Variants in HERC6 observed in about 807,000 individuals in gnomAD.
HERC6 encodes the protein probable E3 ubiquitin-protein ligase HERC6.
A neutral mutation model predicts 114.5 loss-of-function variants in HERC6; 101 were observed. The ratio of observed to expected loss-of-function variants is 0.88; its 90% CI spans 0.75 to 1.04. HERC6 has a LOEUF of 1.04. Ranked by LOEUF, HERC6 falls within the 50% of genes least tolerant of loss-of-function variation. The pLI is 0.00. For missense variants in HERC6, 1,133 were observed against 1,230.9 expected (o/e 0.92, Z 1.19); for synonymous variants, 408 against 436.2 (o/e 0.94, Z 0.81).
intron 3 of HERC6, among the ~76,000 whole-genome samples, chr4:88,388,408 G>A (rs549040763): frequency 6.2e-4 from 94 of 152,084 alleles, no homozygotes; most frequent in South Asian, 1.2e-3. Flanking sequence ...AAAATTAACC[G>A]GGCATGGTGG....
At position 88,379,129 on chromosome 4, in the gene HERC6, G is replaced by A. The variant is rs765311442; in HGVS notation, c.199+9G>A. ...GCGCGGGGAGCTGCCAGGTGAGCGG[G>A]GGGCCCCAGGTGCAGGGTGTGAGGA... is the stretch of plus-strand genomic sequence containing the variant. On this transcript the variant is annotated intron_variant, in intron 1 of 22. Coordinates refer to ENST00000264346, the MANE Select transcript of HERC6 (RefSeq NM_017912.4). The A allele has an allele frequency of 1.3e-6, 2 of 1,536,370 alleles. No individual in the cohort carries two copies. Among genetic ancestry groups the A allele is most frequent in the Non-Finnish European group, 1.7e-6 (2 of 1,144,346 alleles).
intron 5 of HERC6, among the ~76,000 whole-genome samples, chr4:88,395,647 A>G (rs1311447583): frequency 1.3e-5 from 2 of 152,084 alleles, no homozygotes; most frequent in African/African-American, 4.8e-5. Context: ...TGTACAATAC[A>G]TCACCAAGGT....
chr4:88,396,502 T>C (rs1466946057), intron 6 of HERC6, among the ~76,000 whole-genome samples: 1 of 152,176 alleles, frequency 6.6e-6, no homozygotes, highest in African/African-American at 2.4e-5. Flanking sequence ...TTCGGAGTTC[T>C]GCGTAACCTA....
rs780810711 is a variant in HERC6 at position 88,404,930 on chromosome 4, AGCC to A, written c.1148_1150del (p.Ser383_Gln384delinsLys). 6 of 1,613,942 alleles carry A rather than the reference AGCC, an allele frequency of 3.7e-6. No individual in the cohort carries two copies. Among genetic ancestry groups the A allele is most frequent in the Admixed American group, 3.3e-5 (2 of 60,024 alleles). ...AACCCTGCCAGAAATAAGCCGAATT[AGCC>A]AGTCCATGGCAGAAAAATGGATAGC... On this transcript the variant is annotated inframe_deletion, in exon 9 of 23. Transcript: ENST00000264346.
intron 22 of HERC6, among the ~76,000 whole-genome samples, chr4:88,441,475 T>C (rs1477714631): frequency 6.6e-6 from 1 of 152,140 alleles, no homozygotes; most frequent in East Asian, 1.9e-4. Flanking sequence ...GGAACCAGAA[T>C]AGAATCCATC....
Position 88,428,752 on chromosome 4 carries a change from T to C in HERC6, c.2106+2T>C. 6.6e-7 allele frequency: 1 copy of C among 1,524,884 alleles called. No homozygotes were observed. The highest frequency in any genetic ancestry group is 8.8e-7 in the Non-Finnish European group (1 of 1,139,730). The allele number at this position is 1,524,884 out of a possible 1,614,324, so 94.5% of individuals were successfully genotyped here. On this transcript the variant is annotated splice_donor_variant, in intron 16 of 22. Transcript: ENST00000264346. LOFTEE classifies it high-confidence loss of function. ...ACTGACTTCTGCAAAGTATTAGTGG[T>C]ACAGTAAAAAGTCTCATTGAACATT...
intron 12 of HERC6, among the ~76,000 whole-genome samples, chr4:88,416,507 C>A (rs1736494548): frequency 6.6e-6 from 1 of 151,620 alleles, no homozygotes; most frequent in African/African-American, 2.4e-5. Flanking sequence ...TTAATGTAGC[C>A]TACTATATTA....
intron 15 of HERC6, among the ~76,000 whole-genome samples, chr4:88,425,762 T>C (rs535840780): frequency 6.6e-6 from 1 of 151,998 alleles, no homozygotes; most frequent in East Asian, 2.0e-4. Flanking sequence ...TATAATGCCA[T>C]CCCCTTATTA....
At chr4:88,387,090 A>T (rs373606253) in intron 3 of HERC6, among the ~76,000 whole-genome samples, 1 of 152,216 alleles carries the variant, frequency 6.6e-6, no homozygotes, top group African/African-American at 2.4e-5. Flanking sequence ...TTTTTCACAT[A>T]ATTACCTTAC....
chr4:88,379,357 G>C (rs978921084), intron 1 of HERC6, among the ~76,000 whole-genome samples: 3 of 152,050 alleles, frequency 2.0e-5, no homozygotes, highest in African/African-American at 7.2e-5. Context: ...ATGGTGCCCT[G>C]TGCTACCGAA....
chr4:88,419,669 C>T (rs1023881832), intron 13 of HERC6, among the ~76,000 whole-genome samples: 1 of 152,132 alleles, frequency 6.6e-6, no homozygotes, highest in Admixed American at 6.6e-5. Context: ...TTGCTGATAC[C>T]TGAAGGATTT....
At position 88,408,539 on chromosome 4, in the gene HERC6, G is replaced by A. The variant is rs770494107; in HGVS notation, c.1290G>A (p.Thr430=). The change falls in exon 11 of 23, where the codon ACG becomes ACA. Residue 430 remains threonine, a synonymous_variant. Coordinates refer to ENST00000264346, the MANE Select transcript of HERC6 (RefSeq NM_017912.4). Reference sequence around the variant, plus strand: ...GTATCCAAAGAGGAACTGGAGAAACGACTTCCATTGATGTGGACTTAGAAA... The same window carrying A: ...GTATCCAAAGAGGAACTGGAGAAACAACTTCCATTGATGTGGACTTAGAAA... ...SFLKKRGTGE[T]TSIDVDLEMA... The A allele has an allele frequency of 9.4e-6, 15 of 1,597,542 alleles. No homozygotes were observed. The highest frequency in any genetic ancestry group is 1.2e-5 in the Non-Finnish European group (14 of 1,171,072).
intron 17 of HERC6, among the ~76,000 whole-genome samples, 180 bp from the exon 18 acceptor site, chr4:88,435,545 A>G (rs1738646811): frequency 6.6e-6 from 1 of 152,218 alleles, no homozygotes; most frequent in Non-Finnish European, 1.5e-5. Context: ...AAAATTATGG[A>G]AGAAATTTAA....
intron 3 of HERC6, among the ~76,000 whole-genome samples, chr4:88,386,378 G>C (rs1382389556): frequency 6.6e-6 from 1 of 151,624 alleles, no homozygotes; most frequent in African/African-American, 2.4e-5. Flanking sequence ...GCTAATTTTT[G>C]TATTTTTAGT....
At chr4:88,425,833 C>G (rs536333316) in intron 15 of HERC6, among the ~76,000 whole-genome samples, 32 of 151,904 alleles carry the variant, frequency 2.1e-4, no homozygotes, top group Non-Finnish European at 3.8e-4. Flanking sequence ...TAGGTCATTC[C>G]TCATGAAAAG....
intron 3 of HERC6, among the ~76,000 whole-genome samples, chr4:88,387,834 T>C (rs1734666053): frequency 6.6e-6 from 1 of 152,202 alleles, no homozygotes; most frequent in Non-Finnish European, 1.5e-5. Flanking sequence ...TCACACTCCT[T>C]CTTAATTATG....
Position 88,435,897 on chromosome 4 carries a change from TA to T in HERC6, c.2417+9del. The stretch of plus-strand genomic sequence containing the variant: ...CTCAGTCCTCGGTTGGGGAAGTAAG[TA>T]AATATAACGTTTTTTCAGGACCGTA... On this transcript the variant is annotated splice_region_variant and intron_variant, in intron 18 of 22. Transcript: ENST00000264346. 1 of 1,596,258 alleles carries T rather than the reference TA, an allele frequency of 6.3e-7. No homozygotes were observed. The highest frequency in any genetic ancestry group is 1.1e-5 in the South Asian group (1 of 87,780).
intron 1 of HERC6, among the ~76,000 whole-genome samples, chr4:88,380,384 T>G (rs59384639): frequency 1.1e-5 from 1 of 92,992 alleles, no homozygotes; most frequent in East Asian, 2.6e-4. Flanking sequence ...TATATATATA[T>G]AATATATAAA....
chr4:88,431,150 C>T lies in HERC6; in HGVS notation c.2107-12C>T. 6.2e-7 allele frequency: 1 copy of T among 1,600,750 alleles called. No individual in the cohort carries two copies. Among genetic ancestry groups the T allele is most frequent in the Non-Finnish European group, 8.5e-7 (1 of 1,175,590 alleles). On this transcript the variant is annotated splice_polypyrimidine_tract_variant and intron_variant, in intron 16 of 22. Transcript: ENST00000264346. ...TTAAGTCAGGATCTGGGACTATGTT[C>T]TCTTTCCTTAGGTTGAATTTATTAA...
Sources: allele counts gnomAD v4.1 joint callset (sites outside exome capture counted in the v4.1 genomes callset), GRCh38; gene constraint gnomAD v4.1.1; transcripts MANE v1.5; gene names NCBI Gene and HGNC (gene_info 2026-07-23, HGNC 2026-07-21).